Variants in KCNQ3 observed in about 807,000 individuals in gnomAD.
KCNQ3 encodes the protein potassium voltage-gated channel subfamily KQT member 3.
Under a neutral mutation model 92.5 loss-of-function variants are expected in KCNQ3, and 30 were observed. The observed-to-expected ratio is 0.32, with a 90% CI of 0.24 to 0.44. KCNQ3 has a LOEUF of 0.44. KCNQ3 is among the 20% of genes least tolerant of loss of function. KCNQ3 has a pLI of 1.00. For missense variants in KCNQ3, 913 were observed against 1,140.3 expected (o/e 0.80, Z 2.87); for synonymous variants, 450 against 468.8 (o/e 0.96, Z 0.52).
chr8:132,395,768 C>T (rs968221580), intron 1 of KCNQ3, among the ~76,000 whole-genome samples: 1 of 152,216 alleles, frequency 6.6e-6, no homozygotes, highest in African/African-American at 2.4e-5. Flanking sequence ...GGGCTCATCC[C>T]CATTTGGCTG....
chr8:132,254,609 T>C (rs187390395), intron 1 of KCNQ3, among the ~76,000 whole-genome samples: 104 of 152,348 alleles, frequency 6.8e-4, no homozygotes, highest in Non-Finnish European at 1.3e-3. Context: ...AGGCCATGTA[T>C]GGTGGCTCAT....
intron 1 of KCNQ3, among the ~76,000 whole-genome samples, chr8:132,469,412 T>G (rs1008161446): frequency 1.3e-5 from 2 of 152,206 alleles, no homozygotes; most frequent in Admixed American, 1.3e-4. Context: ...ATGCAGCAGG[T>G]ATTGCGATGC....
In KCNQ3 at chr8:132,332,958, C is replaced by T. The variant is rs571972264; in HGVS notation, c.387-146777G>A. On this transcript the variant is annotated intron_variant, in intron 1 of 14. Transcript: ENST00000388996. Reference sequence around the variant, plus strand: ...TGAGCACCTTGAGTTCTGGGAAGGACCCATGGTTCATCTTTGAATCCACAA... The same window carrying T: ...TGAGCACCTTGAGTTCTGGGAAGGATCCATGGTTCATCTTTGAATCCACAA... 6.6e-5 allele frequency among the ~76,000 whole-genome samples: 10 copies of T among 152,146 alleles called. No homozygotes were observed. The East Asian group carries it at 1.7e-3, about 26-fold the overall frequency.
At chr8:132,400,885 G>T (rs1820313915) in intron 1 of KCNQ3, among the ~76,000 whole-genome samples, 1 of 152,202 alleles carries the variant, frequency 6.6e-6, no homozygotes, top group Admixed American at 6.5e-5. Flanking sequence ...ACCTTGAAAG[G>T]CAGGTAGCAT....
intron 1 of KCNQ3, among the ~76,000 whole-genome samples, chr8:132,388,426 T>C (rs1219831902): frequency 2.0e-5 from 3 of 152,106 alleles, no homozygotes; most frequent in African/African-American, 7.2e-5. Flanking sequence ...GTAAAAATAA[T>C]GTACAAGTTC....
At chr8:132,189,038 T>G (rs1266183064) in intron 1 of KCNQ3, among the ~76,000 whole-genome samples, 1 of 152,218 alleles carries the variant, frequency 6.6e-6, no homozygotes, top group African/African-American at 2.4e-5. Flanking sequence ...GGGCCTTTTA[T>G]GATCTAGCCT....
At chr8:132,233,724 C>T (rs112929998) in intron 1 of KCNQ3, among the ~76,000 whole-genome samples, 1 of 152,202 alleles carries the variant, frequency 6.6e-6, no homozygotes, top group Non-Finnish European at 1.5e-5. Context: ...TAAACGGGTC[C>T]CTCATTTCAC....
intron 3 of KCNQ3, among the ~76,000 whole-genome samples, chr8:132,182,411 T>C (rs2130167779): frequency 6.6e-6 from 1 of 152,284 alleles, no homozygotes; most frequent in Non-Finnish European, 1.5e-5. Context: ...TAGGGCCACA[T>C]TGTGGAAGAA....
chr8:132,439,925 G>A (rs1821493096), intron 1 of KCNQ3, among the ~76,000 whole-genome samples: 1 of 152,170 alleles, frequency 6.6e-6, no homozygotes, highest in South Asian at 2.1e-4. Context: ...ATCCTTCAGT[G>A]TCCATAGAGG....
rs1200707596 is a variant in KCNQ3, at chr8:132,128,023, G to A, written c.*1239C>T. 6.6e-6 allele frequency: 1 copy of A among 152,180 alleles called. No individual in the cohort carries two copies. Among genetic ancestry groups the A allele is most frequent in the East Asian group, 1.9e-4 (1 of 5,198 alleles). 9.4% of individuals were successfully genotyped at this position (152,180 alleles called of 1,614,324 possible). ...GCTTGCATTATTTTTTTCTAGATCTGAAATGCATTGCATCAAGCAAGCATG... is the reference window on the plus strand; with the variant it reads ...GCTTGCATTATTTTTTTCTAGATCTAAAATGCATTGCATCAAGCAAGCATG... On this transcript the variant is annotated 3_prime_UTR_variant, in exon 15 of 15. Coordinates refer to ENST00000388996, the MANE Select transcript of KCNQ3 (RefSeq NM_004519.4).
chr8:132,320,946 C>G (rs1817877657), intron 1 of KCNQ3, among the ~76,000 whole-genome samples: 1 of 152,162 alleles, frequency 6.6e-6, no homozygotes, highest in Non-Finnish European at 1.5e-5. Flanking sequence ...CTGGAATCAC[C>G]TGGGTGCCTT....
intron 1 of KCNQ3, among the ~76,000 whole-genome samples, chr8:132,299,103 T>C (rs999139494): frequency 1.3e-4 from 19 of 151,452 alleles, no homozygotes; most frequent in African/African-American, 4.1e-4. Flanking sequence ...CTTTTTTTTT[T>C]CTTGGTTTAT....
intron 9 of KCNQ3, among the ~76,000 whole-genome samples, chr8:132,154,192 A>ATTTTTTTTTTTTTTTTTTTTTTTTTTTTT (rs1563775830): frequency 9.6e-6 from 1 of 104,472 alleles, no homozygotes; most frequent in African/African-American, 3.3e-5. Flanking sequence ...AAAGGGTAAA[A>ATTTTTTTTTTTTTTTTTTTTTTTTTTTTT]GTTTTTTTTT....
intron 1 of KCNQ3, among the ~76,000 whole-genome samples, chr8:132,230,334 G>A (rs1036540): frequency 0.08 from 12,140 of 152,000 alleles, 647 homozygotes; most frequent in African/African-American, 0.15. Flanking sequence ...CCGCCCACTA[G>A]AGCAAAGAGA....
chr8:132,342,336 GCGCGTCATCCCCATT>G (rs1254209375), intron 1 of KCNQ3, among the ~76,000 whole-genome samples: 20 of 150,472 alleles, frequency 1.3e-4, no homozygotes, highest in African/African-American at 4.7e-4. Context: ...TTTTTTTAAG[GCGCGTCATCCCCATT>G]CTCATTACCC....
chr8:132,190,376 T>A (rs1827122644), intron 1 of KCNQ3, among the ~76,000 whole-genome samples: 1 of 152,116 alleles, frequency 6.6e-6, no homozygotes, highest in African/African-American at 2.4e-5. Context: ...TTTTTTAATA[T>A]GGCAAAGGCA....
chr8:132,396,859 T>C (rs1368508701), intron 1 of KCNQ3, among the ~76,000 whole-genome samples: 1 of 152,070 alleles, frequency 6.6e-6, no homozygotes, highest in Non-Finnish European at 1.5e-5. Context: ...GCTAGTGAAG[T>C]GGTCCTAAGT....
At chr8:132,138,943 A>C (rs1229483572) in intron 11 of KCNQ3, among the ~76,000 whole-genome samples, 1 of 152,182 alleles carries the variant, frequency 6.6e-6, no homozygotes, top group African/African-American at 2.4e-5. Flanking sequence ...CATACAGGTG[A>C]GAATCTATAA....
intron 1 of KCNQ3, among the ~76,000 whole-genome samples, chr8:132,352,894 G>T (rs1353343562): frequency 1.3e-5 from 2 of 152,078 alleles, no homozygotes; most frequent in Non-Finnish European, 2.9e-5. Flanking sequence ...TTCCACACTG[G>T]GCATGATGTC....
Sources: allele counts gnomAD v4.1 joint callset (sites outside exome capture counted in the v4.1 genomes callset), GRCh38; gene constraint gnomAD v4.1.1; transcripts MANE v1.5; gene names NCBI Gene and HGNC (gene_info 2026-07-23, HGNC 2026-07-21).